ALK: variants seen among roughly 807,000 people sequenced by gnomAD.
ALK encodes the protein ALK tyrosine kinase receptor.
In ALK, 74 loss-of-function variants were observed where a neutral mutation model predicts 163.1. The ratio of observed to expected loss-of-function variants is 0.45; its 90% CI spans 0.38 to 0.55. The LOEUF (loss-of-function observed/expected upper bound fraction) is 0.55. Among genes scored for constraint, ALK ranks in the 20% least tolerant of loss-of-function variants. ALK has a pLI of 0.00. For missense variants in ALK, 2,063 were observed against 2,105.3 expected (o/e 0.98, Z 0.39); for synonymous variants, 960 against 843.2 (o/e 1.14, Z -2.40).
chr2:29,330,683 T>A (rs1667412575), intron 5 of ALK, among the ~76,000 whole-genome samples: 5 of 152,124 alleles, frequency 3.3e-5, no homozygotes, highest in Admixed American at 3.3e-4. Context: ...GCTGGAGATA[T>A]TAACCTGGAA....
chr2:29,466,495 T>C (rs964011615), intron 4 of ALK, among the ~76,000 whole-genome samples: 4 of 152,358 alleles, frequency 2.6e-5, no homozygotes, highest in Admixed American at 2.6e-4. Context: ...AAAATGTCAT[T>C]ATGTTTTTTA....
chr2:29,468,012 A>T (rs1671254118), intron 4 of ALK, among the ~76,000 whole-genome samples: 1 of 151,962 alleles, frequency 6.6e-6, no homozygotes, highest in East Asian at 1.9e-4. Context: ...CACATGAACA[A>T]AATTCTTTGG....
At chr2:29,256,277 AC>A (rs1478056602) in intron 11 of ALK, among the ~76,000 whole-genome samples, 1 of 152,072 alleles carries the variant, frequency 6.6e-6, no homozygotes, top group Non-Finnish European at 1.5e-5. Context: ...GGGAGGCTGC[AC>A]CTCAGGCACC....
chr2:29,385,349 T>G (rs1256409946), intron 4 of ALK, among the ~76,000 whole-genome samples: 1 of 150,316 alleles, frequency 6.7e-6, no homozygotes, highest in Non-Finnish European at 1.5e-5. Context: ...GCAATAACCA[T>G]AGTCACCACC....
chr2:29,544,493 G>A (rs923851302), intron 3 of ALK, among the ~76,000 whole-genome samples: 1 of 152,034 alleles, frequency 6.6e-6, no homozygotes, highest in Non-Finnish European at 1.5e-5. Context: ...AATGTTCTAT[G>A]GAACACACTT....
chr2:29,477,817 C>T (rs1671564290), intron 4 of ALK, among the ~76,000 whole-genome samples: 1 of 152,162 alleles, frequency 6.6e-6, no homozygotes, highest in African/African-American at 2.4e-5. Context: ...CTTCCCTGGC[C>T]AGCACCAGGT....
chr2:29,206,238 A>C (rs1450390574), intron 26 of ALK, among the ~76,000 whole-genome samples: 223 of 114,598 alleles, frequency 1.9e-3, no homozygotes, highest in African/African-American at 2.8e-3. Flanking sequence ...CCTCCCTTCT[A>C]CCTCCTCTCC....
chr2:29,452,117 C>T (rs968173058), intron 4 of ALK, among the ~76,000 whole-genome samples: 1 of 152,064 alleles, frequency 6.6e-6, no homozygotes, highest in African/African-American at 2.4e-5. Context: ...GAAAACGTCC[C>T]CACTCTCTAC....
chr2:29,791,005 A>C (rs1664171571), intron 1 of ALK, among the ~76,000 whole-genome samples: 1 of 152,192 alleles, frequency 6.6e-6, no homozygotes, highest in Non-Finnish European at 1.5e-5. Context: ...CACCTCTTAC[A>C]GTCTCTGTGA....
intron 26 of ALK, among the ~76,000 whole-genome samples, chr2:29,201,902 C>G (rs143220416): frequency 2.0e-5 from 3 of 152,196 alleles, no homozygotes; most frequent in African/African-American, 7.2e-5. Flanking sequence ...TAACTGGTTT[C>G]TTTCTTCACT....
At chr2:29,408,963 G>T (rs1329372234) in intron 4 of ALK, among the ~76,000 whole-genome samples, 1 of 152,132 alleles carries the variant, frequency 6.6e-6, no homozygotes, top group Admixed American at 6.5e-5. Flanking sequence ...TGTTTCTAGG[G>T]GCTGATTTAT....
At position 29,700,364 on chromosome 2, in the gene ALK, G is replaced by A. The variant is rs182475651; in HGVS notation, c.788-5350C>T. The stretch of plus-strand genomic sequence containing the variant: ...GTTGGAGATCAGCCTGACCAAAATG[G>A]AGAAACCCTGTCTCTACTAAAAATA... On this transcript the variant is annotated intron_variant, in intron 2 of 28. Coordinates refer to ENST00000389048, the MANE Select transcript of ALK (RefSeq NM_004304.5). 5.3e-3 allele frequency among the ~76,000 whole-genome samples: 808 copies of A among 152,260 alleles called. 3 individuals are homozygous for A. Among genetic ancestry groups the A allele is most frequent in the Admixed American group, 8.5e-3 (130 of 15,294 alleles).
chr2:29,842,004 T>C (rs1371483320), intron 1 of ALK, among the ~76,000 whole-genome samples: 2 of 152,004 alleles, frequency 1.3e-5, no homozygotes, highest in African/African-American at 4.8e-5. Flanking sequence ...CATCCTCCTC[T>C]TCACTCCTCT....
intron 1 of ALK, among the ~76,000 whole-genome samples, chr2:29,879,713 G>A (rs1181003449): frequency 6.6e-6 from 1 of 152,164 alleles, no homozygotes; most frequent in Non-Finnish European, 1.5e-5. Context: ...GAAACAAAGA[G>A]GACGTGCCCA....
chr2:29,253,209 A>G (rs1475719900), intron 11 of ALK, among the ~76,000 whole-genome samples: 1 of 152,162 alleles, frequency 6.6e-6, no homozygotes, highest in Non-Finnish European at 1.5e-5. Context: ...TCTTTATAGA[A>G]TGCATTTTTG....
chr2:29,419,576 T>A lies in ALK; in HGVS notation c.1155-35717A>T, dbSNP rs972999420. On this transcript the variant is annotated intron_variant, in intron 4 of 28. Transcript: ENST00000389048. ...TGAACCTGCCTGGCTGGAATGGAGA[T>A]CAGGGGTAGAGGATGAGTATGATAC... is the stretch of plus-strand genomic sequence containing the variant. Among the ~76,000 whole-genome samples, 3 of 151,286 alleles carry A rather than the reference T, an allele frequency of 2.0e-5. No homozygotes were observed. In the East Asian group the frequency reaches 5.8e-4, roughly 29 times the overall value.
intron 1 of ALK, among the ~76,000 whole-genome samples, chr2:29,810,922 G>A (rs966825248): frequency 2.0e-5 from 3 of 152,104 alleles, no homozygotes; most frequent in Non-Finnish European, 4.4e-5. Context: ...GAAAAGCCAT[G>A]TTAGGACACA....
intron 3 of ALK, among the ~76,000 whole-genome samples, chr2:29,544,656 G>C (rs1673505903): frequency 6.6e-6 from 1 of 151,766 alleles, no homozygotes; most frequent in Non-Finnish European, 1.5e-5. Flanking sequence ...ATCTATATCT[G>C]TATCATCTCT....
At chr2:29,347,139 G>T (rs1667972868) in intron 5 of ALK, among the ~76,000 whole-genome samples, 1 of 152,194 alleles carries the variant, frequency 6.6e-6, no homozygotes, top group African/African-American at 2.4e-5. Context: ...CCCATTTATA[G>T]ATGAGAAAAC....
Sources: gnomAD v4.1 joint callset for allele counts (sites outside exome capture counted in the v4.1 genomes callset) on GRCh38, gnomAD v4.1.1 for gene constraint, MANE v1.5 for transcripts, NCBI Gene and HGNC (gene_info 2026-07-23, HGNC 2026-07-21) for gene names.